DCDC1: variants seen among roughly 807,000 people sequenced by gnomAD.
The protein encoded by DCDC1 is doublecortin domain containing 1, also known as doublecortin domain-containing protein 1.
DCDC1 carries 200 observed loss-of-function variants against 178.3 expected under a neutral mutation model. That is an observed-to-expected ratio of 1.12 (90% CI 1.00 to 1.26). DCDC1 has a LOEUF of 1.26. Among genes scored for constraint, DCDC1 ranks in the 50% most tolerant of loss-of-function variants. DCDC1 has a pLI of 0.00. For missense variants in DCDC1, 1,983 were observed against 1,749.2 expected (o/e 1.13, Z -2.38); for synonymous variants, 690 against 604.8 (o/e 1.14, Z -2.07).
At chr11:30,869,542 G>T (rs2133911380) in intron 38 of DCDC1, among the ~76,000 whole-genome samples, 1 of 152,326 alleles carries the variant, frequency 6.6e-6, no homozygotes, top group South Asian at 2.1e-4. Flanking sequence ...CATGGAGTTT[G>T]CAGACCAGTG....
intron 1 of DCDC1, among the ~76,000 whole-genome samples, chr11:31,343,562 T>A (rs1253032774): frequency 6.6e-6 from 1 of 152,086 alleles, no homozygotes; most frequent in Non-Finnish European, 1.5e-5. Context: ...CCATCTTGGC[T>A]TCCCAAAGTG....
chr11:31,232,798 T>C (rs1975952192), intron 9 of DCDC1, among the ~76,000 whole-genome samples: 1 of 152,052 alleles, frequency 6.6e-6, no homozygotes, highest in Admixed American at 6.6e-5. Flanking sequence ...AGGTTCCAGG[T>C]ACTGTTTTAA....
At chr11:31,323,112 G>C (rs1484291627) in intron 3 of DCDC1, among the ~76,000 whole-genome samples, 1 of 152,082 alleles carries the variant, frequency 6.6e-6, no homozygotes, top group African/African-American at 2.4e-5. Context: ...AAATGACATG[G>C]AGTTTTTATT....
At chr11:31,132,421 T>C (rs1962557361) in intron 10 of DCDC1, among the ~76,000 whole-genome samples, 1 of 152,212 alleles carries the variant, frequency 6.6e-6, no homozygotes, top group South Asian at 2.1e-4. Flanking sequence ...ATGAATTATT[T>C]TACATAATAT....
chr11:30,941,416 C>T (rs967465503), intron 21 of DCDC1, among the ~76,000 whole-genome samples: 2 of 152,104 alleles, frequency 1.3e-5, no homozygotes, highest in African/African-American at 4.8e-5. Context: ...CCCCTGCTGC[C>T]CTCTCCCTCA....
At chr11:31,073,905 T>C (rs545839840) in intron 18 of DCDC1, among the ~76,000 whole-genome samples, 1 of 152,166 alleles carries the variant, frequency 6.6e-6, no homozygotes, top group Non-Finnish European at 1.5e-5. Context: ...ATTTAAATTG[T>C]ATCAAACTCT....
chr11:31,129,675 T>C (rs528516916), intron 10 of DCDC1, among the ~76,000 whole-genome samples: 1 of 152,206 alleles, frequency 6.6e-6, no homozygotes, highest in African/African-American at 2.4e-5. Context: ...TTCTTATAAG[T>C]AATAGCCCTC....
At position 31,307,652 on chromosome 11, in the gene DCDC1, C is replaced by T. The variant is rs774724906; in HGVS notation, c.421G>A (p.Val141Met). Residue 141 changes from valine (V) to methionine (M), a missense_variant, in exon 4 of 39, where the codon GTG becomes ATG. Val to Met is a conservative substitution (Grantham distance 21, BLOSUM62 1). Coordinates refer to ENST00000684477, the MANE Select transcript of DCDC1 (RefSeq NM_001387274.1). ...AGCTTTGATTACCTCAGTTGACCCACTGGAGCACTGACAGGTCTGTTTCTC... is the reference window on the plus strand; with the variant it reads ...AGCTTTGATTACCTCAGTTGACCCATTGGAGCACTGACAGGTCTGTTTCTC... ...SKRNRPVSAP[V>M]GQLRVAEFSS... 5.0e-6 allele frequency: 8 copies of T among 1,614,016 alleles called. No individual in the cohort carries two copies. The highest frequency in any genetic ancestry group is 1.7e-5 in the Admixed American group (1 of 60,000).
At chr11:31,250,421 C>CATATATATATATATATAT in intron 8 of DCDC1, among the ~76,000 whole-genome samples, 18 of 52,928 alleles carry the variant, frequency 3.4e-4, no homozygotes, top group South Asian at 8.7e-4. Context: ...CACACATATA[C>CATATATATATATATATAT]ATATATATGT....
At chr11:30,935,717 C>A (rs1180494390) in intron 21 of DCDC1, among the ~76,000 whole-genome samples, 1 of 152,086 alleles carries the variant, frequency 6.6e-6, no homozygotes, top group Non-Finnish European at 1.5e-5. Flanking sequence ...CCACGCCCAG[C>A]TATGTTTTGT....
At chr11:31,208,318 C>T (rs1162416379) in intron 9 of DCDC1, among the ~76,000 whole-genome samples, 1 of 152,184 alleles carries the variant, frequency 6.6e-6, no homozygotes, top group Admixed American at 6.5e-5. Flanking sequence ...AAGTAGGACA[C>T]ATCTTGCATT....
intron 34 of DCDC1, among the ~76,000 whole-genome samples, chr11:30,895,933 C>G (rs1439968423): frequency 6.6e-6 from 1 of 152,126 alleles, no homozygotes; most frequent in Non-Finnish European, 1.5e-5. Context: ...TAAAATTTTG[C>G]TCAACTACAG....
At chr11:31,200,892 A>C (rs1971216453) in intron 9 of DCDC1, among the ~76,000 whole-genome samples, 1 of 151,946 alleles carries the variant, frequency 6.6e-6, no homozygotes, top group Non-Finnish European at 1.5e-5. Context: ...CAAGCTCCCA[A>C]GTACTCCAGA....
chr11:31,055,180 C>T (rs1156987447), intron 20 of DCDC1, among the ~76,000 whole-genome samples: 3 of 151,732 alleles, frequency 2.0e-5, no homozygotes, highest in Admixed American at 6.6e-5. Flanking sequence ...GGGCTAAGGA[C>T]CTAAACAACT....
At chr11:31,238,550 C>A (rs1976722763) in intron 9 of DCDC1, among the ~76,000 whole-genome samples, 1 of 152,058 alleles carries the variant, frequency 6.6e-6, no homozygotes, top group Non-Finnish European at 1.5e-5. Context: ...CCTTCCACAG[C>A]AGTGTTTGTC....
chr11:31,331,870 G>C (rs1422930962), intron 2 of DCDC1, among the ~76,000 whole-genome samples: 2 of 152,102 alleles, frequency 1.3e-5, no homozygotes, highest in Non-Finnish European at 2.9e-5. Flanking sequence ...TCAGGTTTTG[G>C]TATCAGGATG....
At chr11:31,131,007 C>T (rs1287625002) in intron 10 of DCDC1, among the ~76,000 whole-genome samples, 1 of 53,210 alleles carries the variant, frequency 1.9e-5, no homozygotes, top group Non-Finnish European at 4.2e-5. Context: ...AAGGTGAAAC[C>T]CCGTCTCTAC....
intron 17 of DCDC1, among the ~76,000 whole-genome samples, chr11:31,078,558 G>C (rs1956996225): frequency 1.3e-5 from 2 of 152,252 alleles, no homozygotes; most frequent in South Asian, 4.2e-4. Context: ...TCTGAGTTTT[G>C]ACAGAAACAT....
At chr11:30,977,649 G>T (rs1006368569) in intron 20 of DCDC1, among the ~76,000 whole-genome samples, 1 of 152,104 alleles carries the variant, frequency 6.6e-6, no homozygotes, top group South Asian at 2.1e-4. Context: ...GTTATTGCTG[G>T]CCAGGCATGG....
Sources: gnomAD v4.1 joint callset for allele counts (sites outside exome capture counted in the v4.1 genomes callset) on GRCh38, gnomAD v4.1.1 for gene constraint, MANE v1.5 for transcripts, NCBI Gene and HGNC (gene_info 2026-07-23, HGNC 2026-07-21) for gene names.